ASAP2: variants seen among roughly 807,000 people sequenced by gnomAD.
The protein encoded by ASAP2 is ArfGAP with SH3 domain, ankyrin repeat and PH domain 2.
In ASAP2, 45 loss-of-function variants were observed where a neutral mutation model predicts 131.4. That is an observed-to-expected ratio of 0.34 (90% confidence interval 0.27 to 0.44). ASAP2 has a LOEUF of 0.44. ASAP2 is among the 20% of genes least tolerant of loss of function. ASAP2 has a pLI of 1.00. For missense variants in ASAP2, 1,011 were observed against 1,297.0 expected, an observed-to-expected ratio of 0.78 and a Z score of 3.39; for synonymous variants, 510 against 503.0, an observed-to-expected ratio of 1.01 and a Z score of -0.19.
chr2:9,390,465 A>G (rs796523643), intron 22 of ASAP2, among the ~76,000 whole-genome samples: 6 of 152,352 alleles, frequency 3.9e-5, no homozygotes, highest in African/African-American at 1.4e-4. Flanking sequence ...TTTGTGAGGC[A>G]GAAGAAGGGC....
chr2:9,354,199 G>A (rs1672535746), intron 12 of ASAP2, among the ~76,000 whole-genome samples: 1 of 152,188 alleles, frequency 6.6e-6, no homozygotes, highest in South Asian at 2.1e-4. Flanking sequence ...CCCTGAGTAG[G>A]ATGGAGCCAG....
intron 4 of ASAP2, among the ~76,000 whole-genome samples, chr2:9,319,526 G>A (rs747506762): frequency 3.9e-5 from 6 of 152,224 alleles, no homozygotes; most frequent in Admixed American, 6.5e-5. Flanking sequence ...GCGCAGGTGC[G>A]CACAGGGAGC....
intron 24 of ASAP2, among the ~76,000 whole-genome samples, chr2:9,395,970 T>C (rs999975541): frequency 6.6e-6 from 1 of 152,038 alleles, no homozygotes; most frequent in Non-Finnish European, 1.5e-5. Flanking sequence ...CCTCTGTTTT[T>C]CAAGATATTC....
chr2:9,327,817 G>A lies in ASAP2; in HGVS notation c.601-9G>A. ...ACTTCCATGACATTTCCTTTTCATT[G>A]TTCAACAGTATCTGCTGAAGGTCAA... is the stretch of plus-strand genomic sequence containing the variant. On this transcript the variant is annotated splice_polypyrimidine_tract_variant and intron_variant, in intron 6 of 27. Coordinates refer to ENST00000281419, the MANE Select transcript of ASAP2 (RefSeq NM_003887.3). 3 of 1,580,234 alleles carry A rather than the reference G, an allele frequency of 1.9e-6. No homozygotes were observed. The highest frequency in any genetic ancestry group is 2.6e-6 in the Non-Finnish European group (3 of 1,164,418).
In ASAP2 at chr2:9,232,461, T is replaced by G. The variant is rs1211531578; in HGVS notation, c.126+25231T>G. ...TATACTGTCTGTATCTGTTATTTACTGTCTGTCTTTGACAAACTATGATCT... is the reference window on the plus strand; with the variant it reads ...TATACTGTCTGTATCTGTTATTTACGGTCTGTCTTTGACAAACTATGATCT... On this transcript the variant is annotated intron_variant, in intron 1 of 27. Coordinates refer to ENST00000281419, the MANE Select transcript of ASAP2 (RefSeq NM_003887.3). This position sits in a 1 kb window ranked among gnomAD's most constrained non-coding sequence, Gnocchi z 4.1. 6.6e-6 allele frequency among the ~76,000 whole-genome samples: 1 copy of G among 152,286 alleles called. No individual in the cohort carries two copies. The highest frequency in any genetic ancestry group is 1.5e-5 in the Non-Finnish European group (1 of 68,056).
At position 9,392,335 on chromosome 2, in the gene ASAP2, T is replaced by TCCC. The variant is rs1456783762; in HGVS notation, c.2518+1139_2518+1140insCCC. 1.3e-5 allele frequency among the ~76,000 whole-genome samples: 2 copies of TCCC among 152,006 alleles called. No homozygotes were observed. The highest frequency in any genetic ancestry group is 4.8e-5 in the African/African-American group (2 of 41,386). Reference sequence around the variant, plus strand: ...GTCTCCTGCTGCAGCAGCCCTGGAGTGGGGAGTCCAGCATCTCTGGGCTTC... The same window carrying TCCC: ...GTCTCCTGCTGCAGCAGCCCTGGAGTCCCGGGGAGTCCAGCATCTCTGGGCTTC... On this transcript the variant is annotated intron_variant, in intron 23 of 27. Coordinates refer to ENST00000281419, the MANE Select transcript of ASAP2 (RefSeq NM_003887.3). The surrounding 1 kb of genome is among the most constrained non-coding windows in gnomAD (Gnocchi z 4.0).
At chr2:9,401,493 C>A in intron 27 of ASAP2, 97 bp downstream of exon 27, 1 of 1,479,684 alleles carries the variant, frequency 6.8e-7, no homozygotes, top group Non-Finnish European at 9.1e-7. Flanking sequence ...TTTTCTCAGC[C>A]TGAGCAGTCC....
intron 2 of ASAP2, among the ~76,000 whole-genome samples, chr2:9,295,791 G>A (rs1668115869): frequency 6.6e-6 from 1 of 152,208 alleles, no homozygotes; most frequent in African/African-American, 2.4e-5. Flanking sequence ...AGTGAAGTGA[G>A]TTTTCTTTTG....
rs1553297027 is a variant in ASAP2 at position 9,254,254 on chromosome 2, T to TATATATATTATATATAC, written c.127-25062_127-25061insTATATATTATATATACA. On this transcript the variant is annotated intron_variant, in intron 1 of 27. Coordinates refer to ENST00000281419, the MANE Select transcript of ASAP2 (RefSeq NM_003887.3). ...AAAAAAAAATATATATATATATATA[T>TATATATATTATATATAC]ACACGTGTGTGTGTATGCATATATA... Among the ~76,000 whole-genome samples, 36 of 65,736 alleles carry TATATATATTATATATAC rather than the reference T, an allele frequency of 5.5e-4. 2 individuals are homozygous for TATATATATTATATATAC. Among genetic ancestry groups the TATATATATTATATATAC allele is most frequent in the African/African-American group, 2.5e-3 (34 of 13,536 alleles). 43.1% of individuals were successfully genotyped at this position (65,736 alleles called of 152,430 possible). A position where few individuals can be genotyped will look rare whatever the true frequency, so the allele number is the denominator to read the frequency against.
At position 9,393,607 on chromosome 2, in the gene ASAP2, C is replaced by G; in HGVS notation, c.2644C>G (p.Gln882Glu). 1 of 1,587,958 alleles carries G rather than the reference C, an allele frequency of 6.3e-7. No individual in the cohort carries two copies. The highest frequency in any genetic ancestry group is 8.5e-7 in the Non-Finnish European group (1 of 1,169,630). Reference protein sequence around the residue: ...SQIRPPPLPPQPPSRLPQKKP... With the variant: ...SQIRPPPLPPEPPSRLPQKKP... Reference sequence around the variant, plus strand: ...GATCAGGCCCCCACCTCTGCCCCCACAGCCGCCCAGCCGCCTCCCGCAGAA... The same window carrying G: ...GATCAGGCCCCCACCTCTGCCCCCAGAGCCGCCCAGCCGCCTCCCGCAGAA... Residue 882 changes from glutamine (Q) to glutamate (E), a missense_variant, in exon 24 of 28, where the codon CAG becomes GAG. Physicochemically the swap from Gln to Glu is conservative, Grantham distance 29 (BLOSUM62 2). This residue lies in a region of ASAP2 where 652 missense variants were observed against 698.9 expected (regional missense o/e 0.93). Coordinates refer to ENST00000281419, the MANE Select transcript of ASAP2 (RefSeq NM_003887.3).
intron 1 of ASAP2, among the ~76,000 whole-genome samples, chr2:9,278,312 A>ACCT (rs749614385): frequency 6.6e-6 from 1 of 152,142 alleles, no homozygotes; most frequent in Non-Finnish European, 1.5e-5. Context: ...CAGGAGTTTG[A>ACCT]GACCATCCTG....
chr2:9,299,994 G>T (rs1346082997), intron 3 of ASAP2, among the ~76,000 whole-genome samples: 1 of 152,212 alleles, frequency 6.6e-6, no homozygotes, highest in Non-Finnish European at 1.5e-5. Context: ...ACTTTGGGAG[G>T]CCAAGGTGGG....
intron 17 of ASAP2, 53 bp downstream of exon 17, chr2:9,374,997 TG>T: frequency 6.8e-7 from 1 of 1,480,160 alleles, no homozygotes; most frequent in Non-Finnish European, 9.0e-7. Context: ...CCGGCCACGG[TG>T]GCTCATGCCT....
At chr2:9,227,800 T>C (rs1473502331) in intron 1 of ASAP2, among the ~76,000 whole-genome samples, 1 of 152,262 alleles carries the variant, frequency 6.6e-6, no homozygotes, top group Non-Finnish European at 1.5e-5. Flanking sequence ...GCTTAGAAAC[T>C]TCTTTGACCA....
intron 2 of ASAP2, among the ~76,000 whole-genome samples, chr2:9,294,408 A>G (rs775222132): frequency 1.3e-5 from 2 of 152,186 alleles, no homozygotes; most frequent in African/African-American, 2.4e-5. Context: ...GCTGGAACAT[A>G]AAGTCTACTA....
chr2:9,210,042 G>A (rs1000153441), intron 1 of ASAP2, among the ~76,000 whole-genome samples: 5 of 152,292 alleles, frequency 3.3e-5, no homozygotes, highest in Middle Eastern at 3.4e-3. Flanking sequence ...AAACTCACAG[G>A]TATTGAATTC....
At chr2:9,296,553 A>G (rs1409207414) in intron 2 of ASAP2, among the ~76,000 whole-genome samples, 3 of 152,272 alleles carry the variant, frequency 2.0e-5, no homozygotes, top group Non-Finnish European at 2.9e-5. Context: ...TGCTCAAACA[A>G]CATGTGTGTT....
chr2:9,303,696 A>T (rs1349946768), intron 3 of ASAP2, among the ~76,000 whole-genome samples: 1 of 152,260 alleles, frequency 6.6e-6, no homozygotes, highest in African/African-American at 2.4e-5. Context: ...AAACAAAAGC[A>T]CATTGTTTGA....
At chr2:9,359,445 TG>T (rs2148660601) in intron 15 of ASAP2, among the ~76,000 whole-genome samples, 1 of 152,378 alleles carries the variant, frequency 6.6e-6, no homozygotes, top group East Asian at 1.9e-4. Flanking sequence ...AAGCATTTTC[TG>T]TGAAGTGGCT....
Sources: allele counts gnomAD v4.1 joint callset (sites outside exome capture counted in the v4.1 genomes callset), GRCh38; gene constraint gnomAD v4.1.1; regional missense constraint gnomAD v4.1.1; non-coding constraint Gnocchi (gnomAD v3.1); transcripts MANE v1.5; gene names NCBI Gene and HGNC (gene_info 2026-07-23, HGNC 2026-07-21).